Variants in ESRRG observed in about 807,000 individuals in gnomAD.
ESRRG encodes the protein estrogen-related receptor gamma.
Under a neutral mutation model 44.0 loss-of-function variants are expected in ESRRG, and 13 were observed. That is an observed-to-expected ratio of 0.30 (90% CI 0.19 to 0.47). The LOEUF is 0.47. Ranked by LOEUF, ESRRG falls within the 20% of genes least tolerant of loss-of-function variation. ESRRG has a pLI of 1.00. For synonymous variants in ESRRG, 215 were observed against 214.6 expected (o/e 1.00, Z -0.02); for missense variants, 395 against 580.6 (o/e 0.68, Z 3.29).
intron 2 of ESRRG, among the ~76,000 whole-genome samples, chr1:216,670,286 G>A (rs1176510101): frequency 1.3e-5 from 2 of 152,226 alleles, no homozygotes; most frequent in East Asian, 3.9e-4. Flanking sequence ...CCTGCTTCAG[G>A]AAGGAGTCAT....
intron 1 of ESRRG, among the ~76,000 whole-genome samples, chr1:217,024,019 T>C (rs1012951050): frequency 6.6e-6 from 1 of 152,236 alleles, no homozygotes; most frequent in Non-Finnish European, 1.5e-5. Context: ...AAAATGGTTT[T>C]GTGATTAACA....
rs1572700105 is a variant in ESRRG at position 216,545,944 on chromosome 1, T to A, written c.862+18275A>T. The stretch of plus-strand genomic sequence containing the variant: ...GATCTTATTGATGAAGATGACTTCT[T>A]GTCAAGTGAGAGACTAGAGATGATA... On this transcript the variant is annotated intron_variant, in intron 5 of 6. Transcript: ENST00000408911. Among the ~76,000 whole-genome samples, 5 of 152,250 alleles carry A rather than the reference T, an allele frequency of 3.3e-5. No homozygotes were observed. The South Asian group carries it at 1.0e-3, about 32-fold the overall frequency.
intron 2 of ESRRG, among the ~76,000 whole-genome samples, chr1:216,928,092 C>A (rs749536756): frequency 6.6e-6 from 1 of 152,080 alleles, no homozygotes; most frequent in Admixed American, 6.6e-5. Context: ...GGGATTGGAA[C>A]CTAATGGTGA....
chr1:216,672,552 C>G (rs2075382384), intron 2 of ESRRG, among the ~76,000 whole-genome samples: 1 of 152,150 alleles, frequency 6.6e-6, no homozygotes. Context: ...TTATTACACA[C>G]TCGATAACCA....
At chr1:217,022,895 G>A (rs1350167902) in intron 1 of ESRRG, among the ~76,000 whole-genome samples, 7 of 152,082 alleles carry the variant, frequency 4.6e-5, no homozygotes, top group African/African-American at 1.4e-4. Context: ...ATGGAAGGAA[G>A]GCAGGAAAGG....
At chr1:217,061,625 C>T (rs1358119948) in intron 1 of ESRRG, among the ~76,000 whole-genome samples, 1 of 152,074 alleles carries the variant, frequency 6.6e-6, no homozygotes, top group Non-Finnish European at 1.5e-5. Context: ...ATTATTACTC[C>T]AAGATAGTTT....
At chr1:217,057,690 A>C (rs2087426981) in intron 1 of ESRRG, among the ~76,000 whole-genome samples, 1 of 152,186 alleles carries the variant, frequency 6.6e-6, no homozygotes, top group Non-Finnish European at 1.5e-5. Context: ...AAAACTCTGA[A>C]AGCAATAAAG....
chr1:217,046,497 A>G (rs141066688), intron 1 of ESRRG, among the ~76,000 whole-genome samples: 1 of 152,320 alleles, frequency 6.6e-6, no homozygotes, highest in East Asian at 1.9e-4. Context: ...CTACATTTAT[A>G]GCTTCATCTC....
At chr1:217,028,499 T>C (rs2081547916) in intron 1 of ESRRG, among the ~76,000 whole-genome samples, 1 of 152,158 alleles carries the variant, frequency 6.6e-6, no homozygotes, top group Non-Finnish European at 1.5e-5. Flanking sequence ...TTAGGTGAAT[T>C]TGCAAAATTG....
At chr1:216,742,069 T>C (rs1198092782) in intron 2 of ESRRG, among the ~76,000 whole-genome samples, 1 of 152,172 alleles carries the variant, frequency 6.6e-6, no homozygotes. Flanking sequence ...AGTCTATTCA[T>C]AACCTGACCC....
intron 2 of ESRRG, among the ~76,000 whole-genome samples, chr1:216,744,831 G>A (rs187755677): frequency 1.3e-5 from 2 of 152,238 alleles, no homozygotes; most frequent in East Asian, 1.9e-4. Context: ...TCAAGTACCC[G>A]TTCATTTAGC....
At chr1:216,923,063 A>AGTAG (rs1233058303) in intron 2 of ESRRG, among the ~76,000 whole-genome samples, 2 of 152,230 alleles carry the variant, frequency 1.3e-5, no homozygotes, top group Non-Finnish European at 2.9e-5. Flanking sequence ...AATCACTGTT[A>AGTAG]GTAGGTAAAA....
chr1:217,122,655 A>T (rs79014418), intron 1 of ESRRG, among the ~76,000 whole-genome samples: 1 of 144,666 alleles, frequency 6.9e-6, no homozygotes, highest in Non-Finnish European at 1.5e-5. Flanking sequence ...GGCGGGAAAG[A>T]CACACACACT....
intron 2 of ESRRG, among the ~76,000 whole-genome samples, chr1:216,918,475 T>C (rs1427854601): frequency 6.6e-6 from 1 of 152,194 alleles, no homozygotes; most frequent in Non-Finnish European, 1.5e-5. Context: ...TTTTCTTCTC[T>C]ATAATTCTAG....
At chr1:216,988,245 C>A (rs992058508) in intron 1 of ESRRG, among the ~76,000 whole-genome samples, 5 of 152,204 alleles carry the variant, frequency 3.3e-5, no homozygotes, top group African/African-American at 1.2e-4. Context: ...ATATGGCCAA[C>A]AGCATGATTG....
chr1:216,880,653 C>T (rs1381116575), intron 2 of ESRRG, among the ~76,000 whole-genome samples: 3 of 151,990 alleles, frequency 2.0e-5, no homozygotes, highest in African/African-American at 4.8e-5. Context: ...TTTATAACAC[C>T]AACATCAGTT....
At chr1:216,668,210 T>C (rs1028633710) in intron 2 of ESRRG, among the ~76,000 whole-genome samples, 36 of 152,208 alleles carry the variant, frequency 2.4e-4, no homozygotes, top group African/African-American at 8.2e-4. Flanking sequence ...GAAAGAAGGT[T>C]ACCCTTTTGC....
chr1:216,662,946 T>C (rs1158506453), intron 2 of ESRRG, among the ~76,000 whole-genome samples: 2 of 152,194 alleles, frequency 1.3e-5, no homozygotes, highest in African/African-American at 4.8e-5. Context: ...GTCTAAACCA[T>C]ATGGACAAAA....
intron 2 of ESRRG, among the ~76,000 whole-genome samples, chr1:216,888,387 A>G (rs2057331660): frequency 6.6e-6 from 1 of 152,184 alleles, no homozygotes; most frequent in Non-Finnish European, 1.5e-5. Flanking sequence ...AAGGAATTTC[A>G]ATCTAGGAAT....
Sources: allele counts gnomAD v4.1 joint callset (sites outside exome capture counted in the v4.1 genomes callset), GRCh38; gene constraint gnomAD v4.1.1; transcripts MANE v1.5; gene names NCBI Gene and HGNC (gene_info 2026-07-23, HGNC 2026-07-21).